The following GPC5 variants were observed in gnomAD, a reference collection of about 807,000 sequenced individuals.
The protein encoded by GPC5 is glypican-5.
GPC5 carries 47 observed loss-of-function variants against 53.9 expected under a neutral mutation model. That is an observed-to-expected ratio of 0.87 (90% confidence interval 0.69 to 1.11). The LOEUF (loss-of-function observed/expected upper bound fraction) is 1.11. GPC5 is among the 50% of genes most tolerant of loss of function. GPC5 has a pLI of 0.00. For synonymous variants in GPC5, 286 were observed against 263.3 expected (o/e 1.09, Z -0.84); for missense variants, 748 against 713.1 (o/e 1.05, Z -0.56).
intron 2 of GPC5, among the ~76,000 whole-genome samples, chr13:91,527,935 A>G (rs1199927604): frequency 6.6e-6 from 1 of 152,190 alleles, no homozygotes; most frequent in Non-Finnish European, 1.5e-5. Flanking sequence ...CCATGTCCCA[A>G]GGCTGTGCAG....
intron 5 of GPC5, among the ~76,000 whole-genome samples, chr13:91,824,321 G>A (rs2038542039): frequency 6.6e-6 from 1 of 151,852 alleles, no homozygotes; most frequent in African/African-American, 2.4e-5. Context: ...AGAAAATTAG[G>A]GCACTAAATT....
At chr13:92,703,609 A>T (rs1404255633) in intron 7 of GPC5, among the ~76,000 whole-genome samples, 2 of 148,908 alleles carry the variant, frequency 1.3e-5, no homozygotes, top group African/African-American at 4.9e-5. Flanking sequence ...AAGAATTATT[A>T]AAATTGATGT....
chr13:92,865,565 A>G (rs1165572061), intron 7 of GPC5, among the ~76,000 whole-genome samples: 1 of 152,056 alleles, frequency 6.6e-6, no homozygotes, highest in Admixed American at 6.6e-5. Flanking sequence ...GGAGGAAGAA[A>G]TGTTTTAGAC....
intron 7 of GPC5, among the ~76,000 whole-genome samples, chr13:92,445,516 C>G (rs1324101908): frequency 7.2e-6 from 1 of 138,486 alleles, no homozygotes; most frequent in African/African-American, 2.7e-5. Flanking sequence ...CTTCCTGTGT[C>G]CATGTGTTCT....
chr13:91,837,486 C>G (rs2038734418), intron 5 of GPC5, among the ~76,000 whole-genome samples: 1 of 152,002 alleles, frequency 6.6e-6, no homozygotes, highest in African/African-American at 2.4e-5. Flanking sequence ...CTTCATTATT[C>G]TTTTAGGCCA....
At chr13:91,956,891 A>G (rs535365332) in intron 6 of GPC5, among the ~76,000 whole-genome samples, 1 of 152,326 alleles carries the variant, frequency 6.6e-6, no homozygotes, top group Non-Finnish European at 1.5e-5. Context: ...TGAAGATATC[A>G]AAGTAAGGAC....
At chr13:91,424,198 C>G (rs2138996000) in intron 1 of GPC5, among the ~76,000 whole-genome samples, 1 of 152,112 alleles carries the variant, frequency 6.6e-6, no homozygotes, top group Middle Eastern at 3.4e-3. Flanking sequence ...TAGGTTTTAT[C>G]CAGAGCAGGT....
intron 7 of GPC5, among the ~76,000 whole-genome samples, chr13:92,650,206 G>A (rs1471306081): frequency 2.6e-5 from 4 of 151,878 alleles, no homozygotes; most frequent in South Asian, 2.1e-4. Context: ...GATCATTTAG[G>A]GTTTTGAATT....
intron 7 of GPC5, among the ~76,000 whole-genome samples, chr13:92,463,836 A>T (rs771400642): frequency 6.6e-6 from 1 of 152,118 alleles, no homozygotes; most frequent in Non-Finnish European, 1.5e-5. Context: ...CTACTTTAAG[A>T]TACAGTTTTA....
intron 2 of GPC5, among the ~76,000 whole-genome samples, chr13:91,591,934 G>A (rs2032815304): frequency 6.6e-6 from 1 of 152,138 alleles, no homozygotes; most frequent in South Asian, 2.1e-4. Context: ...TTGTATATCT[G>A]TCATTTCAGT....
intron 7 of GPC5, among the ~76,000 whole-genome samples, chr13:92,811,009 C>T (rs1052966463): frequency 2.0e-5 from 3 of 151,938 alleles, no homozygotes; most frequent in East Asian, 1.9e-4. Flanking sequence ...AGTGAGCCAC[C>T]GTGCCCAGCC....
intron 7 of GPC5, among the ~76,000 whole-genome samples, chr13:92,810,855 G>A (rs970293006): frequency 2.0e-5 from 3 of 151,826 alleles, no homozygotes; most frequent in Non-Finnish European, 4.4e-5. Flanking sequence ...AGAGTAGCTG[G>A]GATTACAGGC....
intron 6 of GPC5, among the ~76,000 whole-genome samples, chr13:92,041,429 C>T (rs538140278): frequency 1.2e-4 from 19 of 152,292 alleles, no homozygotes; most frequent in African/African-American, 4.1e-4. Context: ...CTCACACTGA[C>T]CTTGACGGGC....
intron 7 of GPC5, among the ~76,000 whole-genome samples, chr13:92,166,952 TCTCTCACA>T (rs1473486844): frequency 0.014 from 883 of 63,050 alleles, 1 homozygote; most frequent in African/African-American, 0.035. Flanking sequence ...TCTCTCTCTC[TCTCTCACA>T]CACACACACA....
chr13:92,864,253 G>A (rs577402087), intron 7 of GPC5, among the ~76,000 whole-genome samples: 1 of 152,102 alleles, frequency 6.6e-6, no homozygotes, highest in African/African-American at 2.4e-5. Context: ...ATATTCCTTA[G>A]AACTGTTACA....
intron 6 of GPC5, among the ~76,000 whole-genome samples, chr13:92,108,918 C>T (rs1443152849): frequency 6.6e-6 from 1 of 152,100 alleles, no homozygotes; most frequent in Non-Finnish European, 1.5e-5. Flanking sequence ...TACATCTCTA[C>T]TATGAAATAT....
chr13:91,571,885 A>G (rs569082905), intron 2 of GPC5, among the ~76,000 whole-genome samples: 2 of 87,994 alleles, frequency 2.3e-5, no homozygotes, highest in Non-Finnish European at 4.2e-5. Context: ...ACACACATAT[A>G]CGTGTGTATA....
intron 2 of GPC5, among the ~76,000 whole-genome samples, chr13:91,554,507 G>A (rs1478592218): frequency 6.6e-6 from 1 of 152,062 alleles, no homozygotes; most frequent in African/African-American, 2.4e-5. Context: ...AGTTTGTGAT[G>A]GATCTGCTAA....
chr13:92,052,487 TC>T (rs988270488), intron 6 of GPC5, among the ~76,000 whole-genome samples: 11 of 152,134 alleles, frequency 7.2e-5, no homozygotes, highest in Admixed American at 3.3e-4. Flanking sequence ...TCCTTATTTG[TC>T]CCCGCCCATG....
Sources: allele counts gnomAD v4.1 joint callset (sites outside exome capture counted in the v4.1 genomes callset), GRCh38; gene constraint gnomAD v4.1.1; transcripts MANE v1.5; gene names NCBI Gene and HGNC (gene_info 2026-07-23, HGNC 2026-07-21).